LRP5: variants seen among roughly 807,000 people sequenced by gnomAD.
LRP5 encodes LDL receptor related protein 5.
A neutral mutation model predicts 154.1 loss-of-function variants in LRP5; 62 were observed. That is an observed-to-expected ratio of 0.40 (90% confidence interval 0.33 to 0.50). The LOEUF (loss-of-function observed/expected upper bound fraction) is 0.50. Among genes scored for constraint, LRP5 ranks in the 20% least tolerant of loss-of-function variants. The pLI, the probability that LRP5 is intolerant of heterozygous loss-of-function variation, is 0.55. For synonymous variants in LRP5, 966 were observed against 1,011.5 expected (o/e 0.96, Z 0.85); for missense variants, 1,915 against 2,336.7 (o/e 0.82, Z 3.72).
intron 2 of LRP5, among the ~76,000 whole-genome samples, chr11:68,351,025 C>T (rs889618951): frequency 1.3e-5 from 2 of 152,056 alleles, no homozygotes; most frequent in Non-Finnish European, 2.9e-5. Context: ...TGTGTGTGCA[C>T]GTGTATGTGC....
Position 68,425,187 on chromosome 11 carries a change from A to G in LRP5, c.3322A>G (p.Thr1108Ala), listed in dbSNP as rs1386728842. Residue 1108 changes from threonine to alanine, a missense_variant, in exon 15 of 23, where the codon ACC (threonine) becomes GCC (alanine). Thr to Ala is a moderately conservative substitution (Grantham distance 58). Transcript: ENST00000294304. ...CGGCACCGAGCGCGAGGTCCTCTTC[A>G]CCACCGGCCTCATCCGCCCTGTGGC... ...LDGTEREVLF[T>A]TGLIRPVALV... The G allele has an allele frequency of 6.2e-7, 1 of 1,613,502 alleles. No homozygotes were observed.
At position 68,347,877 on chromosome 11, in the gene LRP5, G is replaced by A. The variant is rs573768844; in HGVS notation, c.122G>A (p.Arg41Gln). 1.9e-6 allele frequency: 3 copies of A among 1,613,676 alleles called. No individual in the cohort carries two copies. Among genetic ancestry groups the A allele is most frequent in the Admixed American group, 3.3e-5 (2 of 60,036 alleles). ...CCGCTCCTGCTATTTGCCAACCGCC[G>A]GGACGTACGGCTGGTGGACGCCGGC... Reference protein sequence around the residue: ...ASPLLLFANRRDVRLVDAGGV... With the variant: ...ASPLLLFANRQDVRLVDAGGV... The change falls in exon 2 of 23, where the codon CGG becomes CAG. Residue 41 changes from arginine (R) to glutamine (Q), a missense_variant. This residue lies in a region of LRP5 where 773 missense variants were observed against 1,100.9 expected (regional missense o/e 0.70). Coordinates refer to ENST00000294304, the MANE Select transcript of LRP5 (RefSeq NM_002335.4).
chr11:68,355,607 CAG>C (rs2098622541), intron 2 of LRP5, among the ~76,000 whole-genome samples: 1 of 152,188 alleles, frequency 6.6e-6, no homozygotes, highest in South Asian at 2.1e-4. Context: ...CACCTCCAAA[CAG>C]GGCACACTGG....
At chr11:68,361,033 C>T (rs1303394134) in intron 3 of LRP5, among the ~76,000 whole-genome samples, 28 of 120,628 alleles carry the variant, frequency 2.3e-4, no homozygotes, top group Non-Finnish European at 4.5e-4. Flanking sequence ...AGGCTGGGCG[C>T]GGTGGCTCAC....
At chr11:68,431,946 G>A (rs1175046980) in intron 17 of LRP5, among the ~76,000 whole-genome samples, 1 of 152,216 alleles carries the variant, frequency 6.6e-6, no homozygotes, top group Non-Finnish European at 1.5e-5. Flanking sequence ...TGTATTTACC[G>A]CACAGGTGCT....
chr11:68,299,769 G>A, the LRP5 span, among the ~76,000 whole-genome samples: 8 of 130,246 alleles, frequency 6.1e-5, 1 homozygote, highest in Non-Finnish European at 1.1e-4. Context: ...TTTTAGTGGA[G>A]ATGGGGTTTC....
intron 10 of LRP5, among the ~76,000 whole-genome samples, chr11:68,411,006 G>A (rs1180855656): frequency 2.0e-5 from 3 of 152,168 alleles, no homozygotes; most frequent in African/African-American, 7.2e-5. Context: ...GCTGCTGGGG[G>A]AGGAGCCCAG....
chr11:68,413,450 G>A lies in LRP5; in HGVS notation c.2504-239G>A, dbSNP rs75313391. On this transcript the variant is annotated intron_variant, in intron 11 of 22. Transcript: ENST00000294304. This position sits in a 1 kb window ranked among gnomAD's most constrained non-coding sequence, Gnocchi z 5.1. ...AAGAACCTGGAGTCTCGCTGCCTGG[G>A]TGGTAATCCTGGCCCTGCCACTTAG... 4.7e-3 allele frequency among the ~76,000 whole-genome samples: 715 copies of A among 152,332 alleles called. 9 individuals are homozygous for A. The highest frequency in any genetic ancestry group is 0.016 in the African/African-American group (673 of 41,564).
intron 13 of LRP5, among the ~76,000 whole-genome samples, chr11:68,422,806 A>C (rs1371981015): frequency 4.7e-5 from 4 of 85,270 alleles, no homozygotes; most frequent in Non-Finnish European, 7.0e-5. Flanking sequence ...CTTTACCCGC[A>C]CCTTCCCTAC....
At chr11:68,356,939 CTT>C (rs1206842769) in intron 2 of LRP5, among the ~76,000 whole-genome samples, 18 of 141,926 alleles carry the variant, frequency 1.3e-4, no homozygotes, top group Non-Finnish European at 1.1e-4. Flanking sequence ...CTTTTCTTTT[CTT>C]TTTTTTTTTT....
intron 20 of LRP5, 100 bp from the exon 21 acceptor site, chr11:68,439,677 G>A: frequency 7.8e-7 from 1 of 1,287,988 alleles, no homozygotes; most frequent in Admixed American, 2.0e-5. Context: ...CCTGGTCTGA[G>A]TCTCGTGGGT....
In LRP5 at chr11:68,430,816, G is replaced by A. The variant is rs371271458; in HGVS notation, c.3763+1116G>A. Reference sequence around the variant, plus strand: ...GGAGAGTGGGGTAGTGAAGAACCTGGACTTTAGGGCCAAAGAGGCCAGGGT... The same window carrying A: ...GGAGAGTGGGGTAGTGAAGAACCTGAACTTTAGGGCCAAAGAGGCCAGGGT... On this transcript the variant is annotated intron_variant, in intron 17 of 22. Transcript: ENST00000294304. Among the ~76,000 whole-genome samples the A allele has an allele frequency of 7.9e-5, 12 of 152,244 alleles. No individual in the cohort carries two copies. The East Asian group carries it at 1.9e-3, about 24-fold the overall frequency.
At chr11:68,379,385 C>T (rs1428255124) in intron 5 of LRP5, among the ~76,000 whole-genome samples, 5 of 152,164 alleles carry the variant, frequency 3.3e-5, no homozygotes, top group Admixed American at 2.0e-4. Context: ...CTGCTTCTGC[C>T]TGTGTTCTTA....
chr11:68,341,221 G>A (rs942040382), intron 1 of LRP5, among the ~76,000 whole-genome samples: 13 of 150,988 alleles, frequency 8.6e-5, no homozygotes, highest in East Asian at 5.8e-4. Context: ...AGTCACCACC[G>A]TGTTTCTGAA....
chr11:68,309,003 G>A (rs998601494), upstream of LRP5, among the ~76,000 whole-genome samples: 1 of 141,040 alleles, frequency 7.1e-6, no homozygotes, highest in African/African-American at 2.7e-5. Context: ...GCGCAATCTC[G>A]GCTCACTGCA....
intron 1 of LRP5, among the ~76,000 whole-genome samples, chr11:68,345,815 A>G (rs1374077586): frequency 6.6e-6 from 1 of 152,186 alleles, no homozygotes; most frequent in Non-Finnish European, 1.5e-5. Flanking sequence ...GTTGCTCCAG[A>G]TCCTCACCAA....
In LRP5 at chr11:68,410,117, G is replaced by T. The variant is rs140955013; in HGVS notation, c.2295G>T (p.Ser765=). Residue 765 remains serine (S), a synonymous_variant, in exon 10 of 23, where the codon TCG becomes TCT. Transcript: ENST00000294304. Reference sequence around the variant, plus strand: ...GGAGGGACTTGGACAACCCGAGGTCGCTGGCCCTGGATCCCACCAAGGGGT... The same window carrying T: ...GGAGGGACTTGGACAACCCGAGGTCTCTGGCCCTGGATCCCACCAAGGGGT... ...LVWRDLDNPR[S]LALDPTKGYI... is the part of the protein sequence containing the mutation. The T allele has an allele frequency of 4.3e-6, 7 of 1,613,674 alleles. No homozygotes were observed. The highest frequency in any genetic ancestry group is 1.3e-5 in the African/African-American group (1 of 74,916).
chr11:68,303,513 G>A, the LRP5 span, among the ~76,000 whole-genome samples: 2 of 152,076 alleles, frequency 1.3e-5, no homozygotes, highest in East Asian at 3.9e-4. Context: ...CCTTCCTTTC[G>A]AGATCAAATC....
intron 6 of LRP5, among the ~76,000 whole-genome samples, chr11:68,387,406 C>T (rs533787296): frequency 4.5e-4 from 68 of 152,344 alleles, no homozygotes; most frequent in African/African-American, 1.6e-3. Flanking sequence ...TGAGCCACCA[C>T]GCCCGGTCAG....
Sources: allele counts gnomAD v4.1 joint callset (sites outside exome capture counted in the v4.1 genomes callset), GRCh38; gene constraint gnomAD v4.1.1; regional missense constraint gnomAD v4.1.1; non-coding constraint Gnocchi (gnomAD v3.1); transcripts MANE v1.5; gene names NCBI Gene and HGNC (gene_info 2026-07-23, HGNC 2026-07-21).